IMPA1: variants seen among roughly 807,000 people sequenced by gnomAD.
IMPA1 encodes D-galactose 1-phosphate phosphatase.
A neutral mutation model predicts 34.9 loss-of-function variants in IMPA1; 21 were observed. The ratio of observed to expected loss-of-function variants is 0.60; its 90% CI spans 0.43 to 0.87. IMPA1 has a LOEUF of 0.87. IMPA1 is among the 40% of genes least tolerant of loss of function. The pLI, the probability that IMPA1 is intolerant of heterozygous loss-of-function variation, is 0.00. For missense variants in IMPA1, 299 were observed against 336.4 expected, an observed-to-expected ratio of 0.89 and a Z score of 0.87; for synonymous variants, 95 against 104.4, an observed-to-expected ratio of 0.91 and a Z score of 0.55.
At position 81,673,891 on chromosome 8, in the gene IMPA1, C is replaced by T. The variant is rs1369384275; in HGVS notation, c.407G>A (p.Gly136Glu). 3.1e-6 allele frequency: 5 copies of T among 1,613,438 alleles called. No homozygotes were observed. The highest frequency in any genetic ancestry group is 4.2e-6 in the Non-Finnish European group (5 of 1,179,624). Reference protein sequence around the residue: ...VEGKMYTARKGKGAFCNGQKL... With the variant: ...VEGKMYTARKEKGAFCNGQKL... Reference sequence around the variant, plus strand: ...TTGACCATTACAAAAGGCACCTTTTCCTTTTCTGGCAGTGTACATCTTGCC... The same window carrying T: ...TTGACCATTACAAAAGGCACCTTTTTCTTTTCTGGCAGTGTACATCTTGCC... The change falls in exon 6 of 9, where the codon GGA (glycine) becomes GAA (glutamate). Residue 136 changes from glycine to glutamate, a missense_variant. Physicochemically the swap from Gly to Glu is moderately conservative, Grantham distance 98. Transcript: ENST00000256108.
intron 7 of IMPA1, among the ~76,000 whole-genome samples, chr8:81,663,453 CAG>C (rs1806733770): frequency 2.0e-5 from 3 of 152,184 alleles, no homozygotes. Context: ...ATTGAAGAAA[CAG>C]AAATGATCTG....
chr8:81,675,286 C>G (rs1024311724), intron 5 of IMPA1, among the ~76,000 whole-genome samples: 1 of 102,118 alleles, frequency 9.8e-6, no homozygotes, highest in East Asian at 3.4e-4. Context: ...CCCTAGTTTT[C>G]TAAGGGCCAA....
chr8:81,686,184 G>T, intron 1 of IMPA1, 68 bp downstream of exon 1: 1 of 957,032 alleles, frequency 1.0e-6, no homozygotes, highest in Non-Finnish European at 1.3e-6. Context: ...AGGAGGGAAG[G>T]GGCCTCCCTG....
chr8:81,685,544 G>A (rs190220982), intron 1 of IMPA1, among the ~76,000 whole-genome samples: 66 of 143,704 alleles, frequency 4.6e-4, no homozygotes, highest in African/African-American at 1.6e-3. Context: ...GTATATATAC[G>A]TAAGTATATT....
rs1243502157 is a variant in IMPA1 at position 81,685,259 on chromosome 8, G to T, written c.-25+993C>A. Among the ~76,000 whole-genome samples the T allele has an allele frequency of 4.7e-5, 3 of 63,568 alleles. 1 individual carries two copies. Among genetic ancestry groups the T allele is most frequent in the African/African-American group, 2.4e-4 (3 of 12,316 alleles). The allele number at this position is 63,568 out of a possible 152,430, so 41.7% of individuals were successfully genotyped here. A position where few individuals can be genotyped will look rare whatever the true frequency, so the allele number is the denominator to read the frequency against. ...TAGATACTATATATACTATACATAAGTATAGATACTATATATAGTATATAT... is the reference window on the plus strand; with the variant it reads ...TAGATACTATATATACTATACATAATTATAGATACTATATATAGTATATAT... On this transcript the variant is annotated intron_variant, in intron 1 of 8. Transcript: ENST00000256108.
chr8:81,676,235 T>C lies in IMPA1; in HGVS notation c.347A>G (p.Lys116Arg). The change falls in exon 5 of 9, where the codon AAG becomes AGG. Residue 116 changes from lysine (K) to arginine (R), a missense_variant and splice_region_variant. Transcript: ENST00000256108. ...AACTATACGTTTAAAAAATCATACC[T>C]TTTTATTTACAGCAAAGCCAATTGA... Reference protein sequence around the residue: ...AVSIGFAVNKKIEFGVVYSCV... With the variant: ...AVSIGFAVNKRIEFGVVYSCV... 1 of 1,335,496 alleles carries C rather than the reference T, an allele frequency of 7.5e-7. No homozygotes were observed. Among genetic ancestry groups the C allele is most frequent in the South Asian group, 1.4e-5 (1 of 69,506 alleles). 82.7% of individuals were successfully genotyped at this position (1,335,496 alleles called of 1,614,324 possible). A position where few individuals can be genotyped will look rare whatever the true frequency, so the allele number is the denominator to read the frequency against.
At chr8:81,667,658 G>A (rs115272555) in intron 7 of IMPA1, among the ~76,000 whole-genome samples, 1 of 152,102 alleles carries the variant, frequency 6.6e-6, no homozygotes, top group African/African-American at 2.4e-5. Flanking sequence ...GAATGCCTTA[G>A]AGATTGAGTT....
rs959254111 is a variant in IMPA1, at chr8:81,668,601, AAAAC to A, written c.566+2334_566+2337del. Among the ~76,000 whole-genome samples the A allele has an allele frequency of 5.9e-5, 9 of 152,140 alleles. No homozygotes were observed. The East Asian group carries it at 7.7e-4, about 13-fold the overall frequency. ...GAGTGAGAACCCATCTCCAAAAAAC[AAAAC>A]AAACAAACAAACAACCAAAAAGAAA... On this transcript the variant is annotated intron_variant, in intron 7 of 8. Transcript: ENST00000256108.
At chr8:81,664,654 A>T (rs945565941) in intron 7 of IMPA1, among the ~76,000 whole-genome samples, 1 of 152,136 alleles carries the variant, frequency 6.6e-6, no homozygotes, top group Admixed American at 6.5e-5. Context: ...ATTCTGAAGG[A>T]GAATCAAATA....
intron 2 of IMPA1, 82 bp from the exon 3 acceptor site, chr8:81,680,865 C>G: frequency 4.0e-6 from 4 of 997,198 alleles, no homozygotes; most frequent in Non-Finnish European, 6.1e-6. Flanking sequence ...TTAAGACATT[C>G]AATCTGTCTT....
intron 7 of IMPA1, among the ~76,000 whole-genome samples, chr8:81,665,576 A>G (rs991384117): frequency 6.6e-5 from 10 of 152,134 alleles, no homozygotes; most frequent in Admixed American, 2.0e-4. Flanking sequence ...TACTTAAACT[A>G]TATCTTAAGG....
rs149824165 is a variant in IMPA1 at position 81,660,621 on chromosome 8, T to C, written c.613A>G (p.Thr205Ala). Reference protein sequence around the residue: ...TAAVNMCLVATGGADAYYEMG... With the variant: ...TAAVNMCLVAAGGADAYYEMG... ...TCATAATATGCATCTGCTCCGCCAGTTGCCACAAGGCACATATTAACAGCT... is the reference window on the plus strand; with the variant it reads ...TCATAATATGCATCTGCTCCGCCAGCTGCCACAAGGCACATATTAACAGCT... Residue 205 changes from threonine to alanine, a missense_variant, in exon 8 of 9, where the codon ACT becomes GCT. Thr to Ala is a moderately conservative substitution (Grantham distance 58). Transcript: ENST00000256108. 15 of 1,612,722 alleles carry C rather than the reference T, an allele frequency of 9.3e-6. No homozygotes were observed. The highest frequency in any genetic ancestry group is 5.0e-5 in the Admixed American group (3 of 59,984).
Position 81,679,170 on chromosome 8 carries a change from T to C in IMPA1, c.258A>G (p.Thr86=), listed in dbSNP as rs374631061. The change falls in exon 4 of 9, where the codon ACA becomes ACG. Residue 86 remains threonine, a synonymous_variant. Transcript: ENST00000256108. ...TTCCATCAATAGGGTCAATGATCCATGTGGGGTTGTCGGTTAAGATACTTT... is the reference window on the plus strand; with the variant it reads ...TTCCATCAATAGGGTCAATGATCCACGTGGGGTTGTCGGTTAAGATACTTT... ...GEKSILTDNP[T]WIIDPIDGTT... 42 of 1,613,986 alleles carry C rather than the reference T, an allele frequency of 2.6e-5. No homozygotes were observed. The highest frequency in any genetic ancestry group is 2.6e-5 in the Non-Finnish European group (31 of 1,179,880).
At chr8:81,685,959 A>G (rs1348671296) in intron 1 of IMPA1, 2 of 1,502,146 alleles carry the variant, frequency 1.3e-6, no homozygotes, top group Non-Finnish European at 8.9e-7. Context: ...CCAAGTTTCT[A>G]GGAGCTTTTC....
At chr8:81,663,814 T>C (rs1806743253) in intron 7 of IMPA1, among the ~76,000 whole-genome samples, 1 of 151,996 alleles carries the variant, frequency 6.6e-6, no homozygotes, top group African/African-American at 2.4e-5. Context: ...CCAAGGCAGG[T>C]GAATCACGAG....
At position 81,657,039 on chromosome 8, in the gene IMPA1, G is replaced by A. The variant is rs1806538086; in HGVS notation, c.*2312C>T. Among the ~76,000 whole-genome samples the A allele has an allele frequency of 6.6e-6, 1 of 152,144 alleles. No homozygotes were observed. The highest frequency in any genetic ancestry group is 1.5e-5 in the Non-Finnish European group (1 of 68,034). ...CCCTGATACAAAATATACATGTTAA[G>A]TCTAAGAAGTCCTGTTACTCAAAGA... is the stretch of plus-strand genomic sequence containing the variant. On this transcript the variant is annotated 3_prime_UTR_variant, in exon 9 of 9. Coordinates refer to ENST00000256108, the MANE Select transcript of IMPA1 (RefSeq NM_005536.4).
intron 7 of IMPA1, among the ~76,000 whole-genome samples, chr8:81,666,395 A>G (rs1029262951): frequency 7.2e-5 from 11 of 152,222 alleles, no homozygotes; most frequent in Non-Finnish European, 1.5e-4. Context: ...CAGAATTGAG[A>G]CAAAAACAGT....
chr8:81,659,447 C>T lies in IMPA1; in HGVS notation c.738G>A (p.Met246Ile), dbSNP rs771496191. Residue 246 changes from methionine (M) to isoleucine (I), a missense_variant, in exon 9 of 9, where the codon ATG becomes ATA. Physicochemically the swap from Met to Ile is conservative, Grantham distance 10. Transcript: ENST00000256108. ...TATTTGCAGCAATTACTCTTCGTGA[C>T]ATCAAATCAAATGGTCCACCTAAAA... ...MDVTGGPFDL[M>I]SRRVIAANNR... The T allele has an allele frequency of 6.2e-7, 1 of 1,604,674 alleles. No homozygotes were observed. The highest frequency in any genetic ancestry group is 8.5e-7 in the Non-Finnish European group (1 of 1,172,222).
At chr8:81,664,407 T>A (rs564416175) in intron 7 of IMPA1, among the ~76,000 whole-genome samples, 1 of 152,150 alleles carries the variant, frequency 6.6e-6, no homozygotes, top group South Asian at 2.1e-4. Context: ...CGGAAGCCCG[T>A]AGATACACAG....
Sources: allele counts gnomAD v4.1 joint callset (sites outside exome capture counted in the v4.1 genomes callset), GRCh38; gene constraint gnomAD v4.1.1; transcripts MANE v1.5; gene names NCBI Gene and HGNC (gene_info 2026-07-23, HGNC 2026-07-21).